The following LYSMD1 variants were observed in gnomAD, a reference collection of about 807,000 sequenced individuals.
LYSMD1 encodes the protein lysM and putative peptidoglycan-binding domain-containing protein 1.
LYSMD1 carries 9 observed loss-of-function variants against 19.3 expected under a neutral mutation model. That is an observed-to-expected ratio of 0.47 (90% CI 0.28 to 0.81). The LOEUF is 0.81. LYSMD1 is among the 40% of genes least tolerant of loss of function. The pLI, the probability that LYSMD1 is intolerant of heterozygous loss-of-function variation, is 0.11. For missense variants in LYSMD1, 262 were observed against 279.8 expected (o/e 0.94, Z 0.45); for synonymous variants, 111 against 111.7 (o/e 0.99, Z 0.04).
downstream of LYSMD1, among the ~76,000 whole-genome samples, chr1:151,155,488 C>T (rs776122214): frequency 6.6e-6 from 1 of 152,184 alleles, no homozygotes; most frequent in South Asian, 2.1e-4. Context: ...GTAATCCCAA[C>T]ACTTTGGGAG....
the LYSMD1 span, among the ~76,000 whole-genome samples, chr1:151,153,877 C>T: frequency 1.9e-3 from 282 of 151,246 alleles, 1 homozygote; most frequent in African/African-American, 5.5e-3. Flanking sequence ...CAGTTGAACC[C>T]GGGAGGCAGA....
At chr1:151,159,075 G>A (rs745917204), downstream of LYSMD1, 2 of 1,614,140 alleles carry the variant, frequency 1.2e-6, no homozygotes, top group South Asian at 1.1e-5. Context: ...GCCGGGATGT[G>A]CTGCTAGAGT....
At chr1:151,164,163 G>A (rs1412496815) in intron 1 of LYSMD1, among the ~76,000 whole-genome samples, 1 of 152,086 alleles carries the variant, frequency 6.6e-6, no homozygotes, top group African/African-American at 2.4e-5. Context: ...CAAAGTGCTG[G>A]GATTACAGGG....
At chr1:151,157,290 C>A (rs140166250), downstream of LYSMD1, among the ~76,000 whole-genome samples, 46 of 152,288 alleles carry the variant, frequency 3.0e-4, no homozygotes, top group Admixed American at 7.2e-4. Context: ...GGGAAAAAAA[C>A]CCCCACAGTC....
At chr1:151,161,044 A>G in intron 2 of LYSMD1, 24 bp from the exon 3 acceptor site, 1 of 1,611,358 alleles carries the variant, frequency 6.2e-7, no homozygotes, top group Non-Finnish European at 8.5e-7. Flanking sequence ...AAGGGGGGAA[A>G]GAGTGACAGA....
chr1:151,153,654 C>T, the LYSMD1 span, among the ~76,000 whole-genome samples: 1 of 145,468 alleles, frequency 6.9e-6, no homozygotes, highest in Non-Finnish European at 1.5e-5. Flanking sequence ...GACTCCATCT[C>T]GAAAAAAAAA....
In LYSMD1 at chr1:151,165,652, G is replaced by A. The variant is rs1478083966; in HGVS notation, c.-394C>T. 17 of 1,548,870 alleles carry A rather than the reference G, an allele frequency of 1.1e-5. No homozygotes were observed. The highest frequency in any genetic ancestry group is 8.3e-5 in the South Asian group (7 of 84,014). On this transcript the variant is annotated 5_prime_UTR_variant, in exon 1 of 3. Coordinates refer to ENST00000368908, the MANE Select transcript of LYSMD1 (RefSeq NM_212551.5). Reference sequence around the variant, plus strand: ...CATCCCAGCTCTCCCCGGTCCCGGGGTTTGTTTGCTAGAGTCAGGAACAAA... The same window carrying A: ...CATCCCAGCTCTCCCCGGTCCCGGGATTTGTTTGCTAGAGTCAGGAACAAA...
At chr1:151,153,140 C>G in the LYSMD1 span, among the ~76,000 whole-genome samples, 232 of 152,294 alleles carry the variant, frequency 1.5e-3, no homozygotes, top group South Asian at 2.5e-3. Context: ...TTCTTAGGAT[C>G]AAATAAGATC....
At chr1:151,161,080 C>A in intron 2 of LYSMD1, 60 bp from the exon 3 acceptor site, 1 of 1,580,154 alleles carries the variant, frequency 6.3e-7, no homozygotes, top group Non-Finnish European at 8.7e-7. Context: ...GACAATGGGC[C>A]AAGTGAGAGG....
At chr1:151,154,405 G>A in the LYSMD1 span, among the ~76,000 whole-genome samples, 2 of 151,088 alleles carry the variant, frequency 1.3e-5, no homozygotes, top group Non-Finnish European at 2.9e-5. Flanking sequence ...AACCTGGGAG[G>A]CAGAGGTTGC....
At chr1:151,159,052 C>T (rs780676147), downstream of LYSMD1, 21 of 1,614,226 alleles carry the variant, frequency 1.3e-5, no homozygotes, top group South Asian at 2.3e-4. Context: ...TCTGGCTGGC[C>T]TGCTGACCGA....
intron 1 of LYSMD1, 80 bp from the exon 2 acceptor site, chr1:151,162,180 A>G (rs115863407): frequency 1.5e-6 from 2 of 1,348,872 alleles, no homozygotes; most frequent in African/African-American, 3.0e-5. Context: ...GTGACTGTAC[A>G]GAGTCTTCTT....
Position 151,165,555 on chromosome 1 carries a change from G to A in LYSMD1, c.-297C>T. The A allele has an allele frequency of 6.8e-7, 1 of 1,463,192 alleles. No individual in the cohort carries two copies. Among genetic ancestry groups the A allele is most frequent in the Non-Finnish European group, 9.0e-7 (1 of 1,113,718 alleles). The allele number at this position is 1,463,192 out of a possible 1,614,324, so 90.6% of individuals were successfully genotyped here. A position where few individuals can be genotyped will look rare whatever the true frequency, so the allele number is the denominator to read the frequency against. On this transcript the variant is annotated 5_prime_UTR_variant, in exon 1 of 3. Transcript: ENST00000368908. ...CTCGCTACATTGACCTCTGACCTTT[G>A]AACTCTAGAAATAATCCTCAACACT...
the LYSMD1 span, among the ~76,000 whole-genome samples, chr1:151,149,456 T>C: frequency 2.6e-5 from 4 of 151,332 alleles, no homozygotes; most frequent in African/African-American, 9.7e-5. Flanking sequence ...TTGAAGAAAA[T>C]CACACAGTCC....
intron 1 of LYSMD1, among the ~76,000 whole-genome samples, chr1:151,162,583 G>A (rs1683492824): frequency 6.6e-6 from 1 of 152,148 alleles, no homozygotes; most frequent in Non-Finnish European, 1.5e-5. Flanking sequence ...CACTGCTTCT[G>A]AGAATGCTTT....
At chr1:151,158,672 A>G, downstream of LYSMD1, 2 of 1,538,970 alleles carry the variant, frequency 1.3e-6, no homozygotes, top group Non-Finnish European at 1.8e-6. Context: ...CTAGTGACTG[A>G]CCACATACCC....
chr1:151,154,748 C>T (rs1413600568), downstream of LYSMD1, among the ~76,000 whole-genome samples: 1 of 152,042 alleles, frequency 6.6e-6, no homozygotes, highest in African/African-American at 2.4e-5. Context: ...CTGGTTCAAG[C>T]GAATCTCCTG....
chr1:151,152,874 G>C, the LYSMD1 span, among the ~76,000 whole-genome samples: 1 of 152,070 alleles, frequency 6.6e-6, no homozygotes, highest in Non-Finnish European at 1.5e-5. Context: ...ACAAACATCG[G>C]ACTGTTCCAT....
At chr1:151,158,138 C>T (rs907682021), downstream of LYSMD1, among the ~76,000 whole-genome samples, 2 of 151,916 alleles carry the variant, frequency 1.3e-5, no homozygotes, top group African/African-American at 4.8e-5. Context: ...GTCTGGCCAA[C>T]ATGGTGAAAC....
Sources: gnomAD v4.1 joint callset for allele counts (sites outside exome capture counted in the v4.1 genomes callset) on GRCh38, gnomAD v4.1.1 for gene constraint, MANE v1.5 for transcripts, NCBI Gene and HGNC (gene_info 2026-07-23, HGNC 2026-07-21) for gene names.